The following KCNQ1 variants were observed in gnomAD, a reference collection of about 807,000 sequenced individuals.
The protein encoded by KCNQ1 is potassium voltage-gated channel subfamily KQT member 1.
Under a neutral mutation model 72.4 loss-of-function variants are expected in KCNQ1, and 49 were observed. That is an observed-to-expected ratio of 0.68 (90% CI 0.54 to 0.86). KCNQ1 has a LOEUF of 0.86. KCNQ1 is among the 40% of genes least tolerant of loss of function. The pLI, the probability that KCNQ1 is intolerant of heterozygous loss-of-function variation, is 0.00. For missense variants in KCNQ1, 790 were observed against 945.1 expected (o/e 0.84, Z 2.15); for synonymous variants, 450 against 412.6 (o/e 1.09, Z -1.10).
chr11:2,843,864 G>A (rs867289352), intron 15 of KCNQ1, among the ~76,000 whole-genome samples: 4 of 152,204 alleles, frequency 2.6e-5, no homozygotes, highest in Non-Finnish European at 5.9e-5. Context: ...AGTGCAGGCC[G>A]GGCACAAAGC....
rs1845946957 is a variant in KCNQ1 at position 2,735,817 on chromosome 11, C to T, written c.1515-33027C>T. Among the ~76,000 whole-genome samples the T allele has an allele frequency of 6.6e-6, 1 of 152,196 alleles. No homozygotes were observed. Among genetic ancestry groups the T allele is most frequent in the Non-Finnish European group, 1.5e-5 (1 of 68,048 alleles). ...GCCATCCCTCTGTGTGTGCCCGAGT[C>T]ACCTTCTCCTCTCATAAGGACCCCA... On this transcript the variant is annotated intron_variant, in intron 11 of 15. Coordinates refer to ENST00000155840, the MANE Select transcript of KCNQ1 (RefSeq NM_000218.3). The surrounding 1 kb of genome is among the most constrained non-coding windows in gnomAD (Gnocchi z 7.7).
Position 2,549,176 on chromosome 11 carries a change from C to T in KCNQ1, c.477+21158C>T, listed in dbSNP as rs757052796. Among the ~76,000 whole-genome samples, 1 of 152,150 alleles carries T rather than the reference C, an allele frequency of 6.6e-6. No homozygotes were observed. Among genetic ancestry groups the T allele is most frequent in the Non-Finnish European group, 1.5e-5 (1 of 68,016 alleles). ...TGTGGAGCAAATGATGATGTCTCAACCATGTGGCTTTAGGTCCCCAGCACG... is the reference window on the plus strand; with the variant it reads ...TGTGGAGCAAATGATGATGTCTCAATCATGTGGCTTTAGGTCCCCAGCACG... On this transcript the variant is annotated intron_variant, in intron 2 of 15. Coordinates refer to ENST00000155840, the MANE Select transcript of KCNQ1 (RefSeq NM_000218.3). This position sits in a 1 kb window ranked among gnomAD's most constrained non-coding sequence, Gnocchi z 6.2.
chr11:2,708,681 T>C (rs535102207), intron 11 of KCNQ1, among the ~76,000 whole-genome samples: 1 of 152,268 alleles, frequency 6.6e-6, no homozygotes, highest in African/African-American at 2.4e-5. Context: ...GCCTCAGCTC[T>C]TAGGAGGCAG....
At chr11:2,504,844 T>C (rs1564799946) in intron 1 of KCNQ1, among the ~76,000 whole-genome samples, 1 of 152,178 alleles carries the variant, frequency 6.6e-6, no homozygotes, top group African/African-American at 2.4e-5. Context: ...TTTACCTCTA[T>C]GTGATTATTA....
Position 2,847,864 on chromosome 11 carries a change from CCAGAGAGGGCGGGGCCCA to C in KCNQ1, c.1895_1912del (p.Arg632_His637del). On this transcript the variant is annotated inframe_deletion, in exon 16 of 16. Coordinates refer to ENST00000155840, the MANE Select transcript of KCNQ1 (RefSeq NM_000218.3). Reference sequence around the variant, plus strand: ...AGCACCCCCGGCAGCGGCGGCCCCCCCAGAGAGGGCGGGGCCCACATCACCCAGCCCTGCGGCAGTGGC... The same window carrying C: ...AGCACCCCCGGCAGCGGCGGCCCCCCCATCACCCAGCCCTGCGGCAGTGGC... 1 of 1,577,386 alleles carries C rather than the reference CCAGAGAGGGCGGGGCCCA, an allele frequency of 6.3e-7. No individual in the cohort carries two copies.
In KCNQ1 at chr11:2,617,089, G is replaced by A. The variant is rs972709146; in HGVS notation, c.1393+28235G>A. 22 of 398,076 alleles carry A rather than the reference G, an allele frequency of 5.5e-5. No homozygotes were observed. Among genetic ancestry groups the A allele is most frequent in the Non-Finnish European group, 9.3e-5 (21 of 225,864 alleles). 24.7% of individuals were successfully genotyped at this position (398,076 alleles called of 1,614,324 possible). A position where few individuals can be genotyped will look rare whatever the true frequency, so the allele number is the denominator to read the frequency against. On this transcript the variant is annotated intron_variant, in intron 10 of 15. Transcript: ENST00000155840. This position sits in a 1 kb window ranked among gnomAD's most constrained non-coding sequence, Gnocchi z 4.6. ...GTTATTCTTTTGTGTGTATGAGTGA[G>A]AAAAGCTATGATCTACTCAATTGGC... is the stretch of plus-strand genomic sequence containing the variant.
chr11:2,752,236 G>A lies in KCNQ1; in HGVS notation c.1515-16608G>A, dbSNP rs1289441716. Among the ~76,000 whole-genome samples, 1 of 152,058 alleles carries A rather than the reference G, an allele frequency of 6.6e-6. No individual in the cohort carries two copies. Among genetic ancestry groups the A allele is most frequent in the African/African-American group, 2.4e-5 (1 of 41,374 alleles). ...GACTGGGTTGATTTTAGCTTCACAG[G>A]TGATCTGAACCCAGCTGAGTGGCTT... On this transcript the variant is annotated intron_variant, in intron 11 of 15. Coordinates refer to ENST00000155840, the MANE Select transcript of KCNQ1 (RefSeq NM_000218.3). This position sits in a 1 kb window ranked among gnomAD's most constrained non-coding sequence, Gnocchi z 5.2.
Position 2,816,287 on chromosome 11 carries a change from A to G in KCNQ1, c.1795-31480A>G, listed in dbSNP as rs781140209. On this transcript the variant is annotated intron_variant, in intron 15 of 15. Transcript: ENST00000155840. This position sits in a 1 kb window ranked among gnomAD's most constrained non-coding sequence, Gnocchi z 6.8. The stretch of plus-strand genomic sequence containing the variant: ...CTTGAAGGGCAAGTTGGCCAAGACT[A>G]AAAAGTGGAGTCAAGCTCAGTGCTG... 6.6e-6 allele frequency among the ~76,000 whole-genome samples: 1 copy of G among 152,190 alleles called. No homozygotes were observed. The highest frequency in any genetic ancestry group is 6.5e-5 in the Admixed American group (1 of 15,284).
rs1032343825 is a variant in KCNQ1 at position 2,671,572 on chromosome 11, G to A, written c.1514+9491G>A. On this transcript the variant is annotated intron_variant, in intron 11 of 15. Transcript: ENST00000155840. The surrounding 1 kb of genome is among the most constrained non-coding windows in gnomAD (Gnocchi z 4.7). ...ACTTATCTCCTAAGTCTTTGGCACT[G>A]AGCATTTATACAAGATCAGACTGCA... 7.0e-5 allele frequency: 28 copies of A among 398,610 alleles called. No homozygotes were observed. The highest frequency in any genetic ancestry group is 5.1e-4 in the South Asian group (4 of 7,856). 24.7% of individuals were successfully genotyped at this position (398,610 alleles called of 1,614,324 possible).
At chr11:2,660,339 G>A (rs1258063288) in intron 10 of KCNQ1, 1 of 398,220 alleles carries the variant, frequency 2.5e-6, no homozygotes, top group African/African-American at 2.1e-5. Flanking sequence ...AGTGAAATTA[G>A]GAATAAATTT....
At position 2,566,092 on chromosome 11, in the gene KCNQ1, C is replaced by T. The variant is rs1318774876; in HGVS notation, c.478-4536C>T. 1.3e-5 allele frequency among the ~76,000 whole-genome samples: 2 copies of T among 152,188 alleles called. No individual in the cohort carries two copies. Among genetic ancestry groups the T allele is most frequent in the Non-Finnish European group, 2.9e-5 (2 of 68,032 alleles). ...CCCACCTCACCCCACAGGGCTGAGA[C>T]ACCTCCCTGTCCCCTGGCAGGGCTG... On this transcript the variant is annotated intron_variant, in intron 2 of 15. Transcript: ENST00000155840. The surrounding 1 kb of genome is among the most constrained non-coding windows in gnomAD (Gnocchi z 6.7).
chr11:2,455,264 A>AT (rs1323626420), intron 1 of KCNQ1, among the ~76,000 whole-genome samples: 2 of 152,118 alleles, frequency 1.3e-5, no homozygotes, highest in South Asian at 4.2e-4. Flanking sequence ...CGCCCGGCTA[A>AT]TTTTTTGTAT....
At chr11:2,714,962 C>T (rs945418182) in intron 11 of KCNQ1, among the ~76,000 whole-genome samples, 1 of 152,076 alleles carries the variant, frequency 6.6e-6, no homozygotes, top group Admixed American at 6.5e-5. Flanking sequence ...CAGGGGGGAG[C>T]CTGCAGGAGG....
chr11:2,546,276 CTAATT>C (rs1366367916), intron 2 of KCNQ1, among the ~76,000 whole-genome samples: 1 of 152,038 alleles, frequency 6.6e-6, no homozygotes, highest in Non-Finnish European at 1.5e-5. Flanking sequence ...TTACTGATGT[CTAATT>C]TATTTATGGC....
intron 1 of KCNQ1, among the ~76,000 whole-genome samples, chr11:2,454,992 G>A (rs1443646967): frequency 6.6e-6 from 1 of 152,096 alleles, no homozygotes; most frequent in Admixed American, 6.5e-5. Flanking sequence ...TCCCTTCACC[G>A]ATGATGATAA....
intron 10 of KCNQ1, chr11:2,655,480 A>G (rs1454333645): frequency 7.5e-6 from 3 of 398,586 alleles, no homozygotes; most frequent in Non-Finnish European, 1.3e-5. Flanking sequence ...TACCTCCTGC[A>G]GAGCCTGGAT....
chr11:2,621,867 C>T lies in KCNQ1; in HGVS notation c.1393+33013C>T, dbSNP rs1195167142. On this transcript the variant is annotated intron_variant, in intron 10 of 15. Transcript: ENST00000155840. The surrounding 1 kb of genome is among the most constrained non-coding windows in gnomAD (Gnocchi z 5.7). ...CTTTTTTCCCCTATGGTTTTTCTTT[C>T]TAACTTGTCTCTGTTCTGATCTTTA... 5.0e-6 allele frequency: 2 copies of T among 398,010 alleles called. No homozygotes were observed. The highest frequency in any genetic ancestry group is 4.1e-5 in the African/African-American group (2 of 48,556). The allele number at this position is 398,010 out of a possible 1,614,324, so 24.7% of individuals were successfully genotyped here.
At chr11:2,714,403 A>C (rs576084120) in intron 11 of KCNQ1, among the ~76,000 whole-genome samples, 2 of 152,304 alleles carry the variant, frequency 1.3e-5, no homozygotes, top group East Asian at 1.9e-4. Context: ...GGTAGGGCTA[A>C]GTGTGGTGGC....
intron 2 of KCNQ1, among the ~76,000 whole-genome samples, chr11:2,561,058 C>T (rs957862010): frequency 4.6e-5 from 7 of 151,602 alleles, no homozygotes; most frequent in East Asian, 1.9e-4. Flanking sequence ...AAAAATTAGC[C>T]GGGCGAGGTG....
Sources: gnomAD v4.1 joint callset for allele counts (sites outside exome capture counted in the v4.1 genomes callset) on GRCh38, gnomAD v4.1.1 for gene constraint, Gnocchi (gnomAD v3.1) non-coding constraint, MANE v1.5 for transcripts, NCBI Gene and HGNC (gene_info 2026-07-23, HGNC 2026-07-21) for gene names.